GRM7: variants seen among roughly 807,000 people sequenced by gnomAD.
The protein encoded by GRM7 is glutamate metabotropic receptor 7, also known as metabotropic glutamate receptor 7.
A neutral mutation model predicts 84.5 loss-of-function variants in GRM7; 35 were observed. The ratio of observed to expected loss-of-function variants is 0.41; its 90% CI spans 0.32 to 0.55. GRM7 has a LOEUF of 0.55. GRM7 is among the 20% of genes least tolerant of loss of function. The pLI is 0.19. For missense variants in GRM7, 1,003 were observed against 1,194.6 expected (o/e 0.84, Z 2.36); for synonymous variants, 487 against 455.1 (o/e 1.07, Z -0.89).
At chr3:7,167,885 C>T (rs1186649266) in intron 2 of GRM7, among the ~76,000 whole-genome samples, 3 of 134,798 alleles carry the variant, frequency 2.2e-5, no homozygotes, top group South Asian at 2.5e-4. Flanking sequence ...AGGAGAATGG[C>T]GTGAACCCGG....
At chr3:6,967,450 C>G (rs535667400) in intron 1 of GRM7, among the ~76,000 whole-genome samples, 49 of 152,312 alleles carry the variant, frequency 3.2e-4, no homozygotes, top group African/African-American at 1.2e-3. Flanking sequence ...TCACTTTGGT[C>G]TCCCAAAGTG....
chr3:7,007,952 A>G (rs1387879273), intron 1 of GRM7, among the ~76,000 whole-genome samples: 1 of 152,168 alleles, frequency 6.6e-6, no homozygotes, highest in Non-Finnish European at 1.5e-5. Flanking sequence ...GCAACGTAAG[A>G]AATGTTCAAA....
At chr3:7,421,849 A>G (rs1696407892) in intron 5 of GRM7, among the ~76,000 whole-genome samples, 1 of 151,206 alleles carries the variant, frequency 6.6e-6, no homozygotes, top group South Asian at 2.1e-4. Context: ...TACATTTTTA[A>G]TACTGTATTT....
intron 4 of GRM7, among the ~76,000 whole-genome samples, chr3:7,331,320 A>T (rs1285219604): frequency 2.6e-5 from 4 of 152,192 alleles, no homozygotes; most frequent in Admixed American, 6.5e-5. Context: ...CATGATGGAG[A>T]AGGAACTTGG....
At chr3:7,324,118 C>T (rs1015894592) in intron 4 of GRM7, among the ~76,000 whole-genome samples, 2 of 152,096 alleles carry the variant, frequency 1.3e-5, no homozygotes, top group Non-Finnish European at 2.9e-5. Flanking sequence ...TGAAACAAAC[C>T]TGGACCAGGA....
Position 7,486,753 on chromosome 3 carries a change from T to C in GRM7, c.1515+25031T>C, listed in dbSNP as rs919874996. On this transcript the variant is annotated intron_variant, in intron 7 of 9. Transcript: ENST00000357716. This position sits in a 1 kb window ranked among gnomAD's most constrained non-coding sequence, Gnocchi z 5.5. ...AAAATAATTTATGCAGCCTCAGGTATTCTACTACAGCAACACCAAAGAAAC... is the reference window on the plus strand; with the variant it reads ...AAAATAATTTATGCAGCCTCAGGTACTCTACTACAGCAACACCAAAGAAAC... 2.6e-5 allele frequency among the ~76,000 whole-genome samples: 4 copies of C among 152,180 alleles called. No homozygotes were observed. The highest frequency in any genetic ancestry group is 5.9e-5 in the Non-Finnish European group (4 of 68,034).
At chr3:7,223,051 T>C (rs1428442776) in intron 2 of GRM7, among the ~76,000 whole-genome samples, 1 of 152,210 alleles carries the variant, frequency 6.6e-6, no homozygotes, top group Non-Finnish European at 1.5e-5. Context: ...TCAACAATCA[T>C]AGTTTCATAT....
chr3:7,071,758 TG>T (rs1697890232), intron 1 of GRM7, among the ~76,000 whole-genome samples: 3 of 152,166 alleles, frequency 2.0e-5, no homozygotes, highest in Admixed American at 1.3e-4. Context: ...ATATTATTTT[TG>T]GTATCAATCA....
chr3:6,995,035 A>T (rs1285430185), intron 1 of GRM7, among the ~76,000 whole-genome samples: 1 of 152,200 alleles, frequency 6.6e-6, no homozygotes, highest in Non-Finnish European at 1.5e-5. Context: ...GATGCATTTC[A>T]GAGTTGGTAC....
rs543761744 is a variant in GRM7 at position 7,061,876 on chromosome 3, G to C, written c.520-84576G>C. On this transcript the variant is annotated intron_variant, in intron 1 of 9. Coordinates refer to ENST00000357716, the MANE Select transcript of GRM7 (RefSeq NM_000844.4). ...CAACTAAGAGTAGATATAAGTGCTGGGATTTGAACCAGGTCTTTAAAATAC... is the reference window on the plus strand; with the variant it reads ...CAACTAAGAGTAGATATAAGTGCTGCGATTTGAACCAGGTCTTTAAAATAC... Among the ~76,000 whole-genome samples the C allele has an allele frequency of 2.0e-5, 3 of 151,734 alleles. No homozygotes were observed. In the South Asian group the frequency reaches 6.2e-4, roughly 31 times the overall value.
chr3:7,374,790 C>T (rs1012162724), intron 4 of GRM7, among the ~76,000 whole-genome samples: 5 of 152,054 alleles, frequency 3.3e-5, no homozygotes, highest in African/African-American at 4.8e-5. Flanking sequence ...CATGCCCAGC[C>T]GGTATGAGCT....
At chr3:7,301,329 C>A (rs371020148) in intron 3 of GRM7, among the ~76,000 whole-genome samples, 1 of 152,140 alleles carries the variant, frequency 6.6e-6, no homozygotes, top group East Asian at 1.9e-4. Flanking sequence ...TTCCTCACTT[C>A]GTATTTTAGG....
chr3:7,138,052 C>G (rs1363939280), intron 1 of GRM7, among the ~76,000 whole-genome samples: 1 of 151,854 alleles, frequency 6.6e-6, no homozygotes, highest in African/African-American at 2.4e-5. Context: ...AAAAATATTC[C>G]TGTGTTTCTA....
At chr3:7,406,218 C>T (rs955799349) in intron 4 of GRM7, among the ~76,000 whole-genome samples, 20 of 151,836 alleles carry the variant, frequency 1.3e-4, no homozygotes, top group Non-Finnish European at 2.5e-4. Context: ...AAGAATCTAT[C>T]GGCCGGGCGT....
At chr3:7,731,990 G>A (rs1171747880) in intron 9 of GRM7, among the ~76,000 whole-genome samples, 2 of 152,180 alleles carry the variant, frequency 1.3e-5, no homozygotes, top group African/African-American at 4.8e-5. Context: ...AGCTTTGAAC[G>A]AGATAATATG....
chr3:6,862,392 G>C lies in GRM7; in HGVS notation c.519+485G>C, dbSNP rs1694784953. 6.6e-6 allele frequency among the ~76,000 whole-genome samples: 1 copy of C among 151,994 alleles called. No individual in the cohort carries two copies. The highest frequency in any genetic ancestry group is 2.4e-5 in the African/African-American group (1 of 41,408). ...TTGAAAAATTTGGAGACAGCCTTAA[G>C]GAGGCACTTCTTAAATCGAGGGCTC... is the stretch of plus-strand genomic sequence containing the variant. On this transcript the variant is annotated intron_variant, in intron 1 of 9. Coordinates refer to ENST00000357716, the MANE Select transcript of GRM7 (RefSeq NM_000844.4). The surrounding 1 kb of genome is among the most constrained non-coding windows in gnomAD (Gnocchi z 5.2).
chr3:7,335,160 G>T (rs1701354539), intron 4 of GRM7, among the ~76,000 whole-genome samples: 1 of 152,000 alleles, frequency 6.6e-6, no homozygotes, highest in African/African-American at 2.4e-5. Flanking sequence ...CCATATCATA[G>T]GCCACAAAAC....
At chr3:7,709,741 G>T (rs1030190811) in intron 9 of GRM7, among the ~76,000 whole-genome samples, 10 of 152,180 alleles carry the variant, frequency 6.6e-5, no homozygotes, top group African/African-American at 2.4e-4. Flanking sequence ...AAAACTCCTT[G>T]CATTGGTTTG....
At chr3:7,112,447 A>T (rs897143325) in intron 1 of GRM7, among the ~76,000 whole-genome samples, 1 of 152,070 alleles carries the variant, frequency 6.6e-6, no homozygotes, top group African/African-American at 2.4e-5. Flanking sequence ...GATGGTCTCG[A>T]TCTCCTGACC....
Sources: allele counts gnomAD v4.1 joint callset (sites outside exome capture counted in the v4.1 genomes callset), GRCh38; gene constraint gnomAD v4.1.1; non-coding constraint Gnocchi (gnomAD v3.1); transcripts MANE v1.5; gene names NCBI Gene and HGNC (gene_info 2026-07-23, HGNC 2026-07-21).